The following GABRB1 variants were observed in gnomAD, a reference collection of about 807,000 sequenced individuals.
GABRB1 encodes gamma-aminobutyric acid type A receptor subunit beta1, also known as gamma-aminobutyric acid receptor subunit beta-1.
In GABRB1, 17 loss-of-function variants were observed where a neutral mutation model predicts 51.6. The ratio of observed to expected loss-of-function variants is 0.33; its 90% CI spans 0.23 to 0.49. The LOEUF (loss-of-function observed/expected upper bound fraction) is 0.49. Ranked by LOEUF, GABRB1 falls within the 20% of genes least tolerant of loss-of-function variation. GABRB1 has a pLI of 0.99. For missense variants in GABRB1, 410 were observed against 600.6 expected (o/e 0.68, Z 3.32); for synonymous variants, 247 against 218.9 (o/e 1.13, Z -1.14).
chr4:47,214,697 C>G (rs1031902074), intron 4 of GABRB1, among the ~76,000 whole-genome samples: 19 of 152,042 alleles, frequency 1.2e-4, no homozygotes, highest in African/African-American at 3.6e-4. Context: ...ATGCTTCTCC[C>G]CAAATTGATA....
chr4:47,107,162 G>A (rs941712004), intron 3 of GABRB1, among the ~76,000 whole-genome samples: 2 of 152,128 alleles, frequency 1.3e-5, no homozygotes, highest in African/African-American at 4.8e-5. Context: ...ACAAAATTTG[G>A]ATCAAGGACA....
chr4:47,209,978 T>C (rs1415710281), intron 4 of GABRB1, among the ~76,000 whole-genome samples: 1 of 152,116 alleles, frequency 6.6e-6, no homozygotes, highest in Non-Finnish European at 1.5e-5. Flanking sequence ...AGATAGGCAT[T>C]GTATTTCAAA....
chr4:47,314,645 C>T (rs1404462992), intron 4 of GABRB1, among the ~76,000 whole-genome samples: 1 of 151,838 alleles, frequency 6.6e-6, no homozygotes, highest in Non-Finnish European at 1.5e-5. Flanking sequence ...TTGCTGCACA[C>T]CTACAACCAT....
At chr4:47,010,620 T>C (rs1035526864) in intron 1 of GABRB1, among the ~76,000 whole-genome samples, 1 of 152,246 alleles carries the variant, frequency 6.6e-6, no homozygotes, top group African/African-American at 2.4e-5. Flanking sequence ...TTTATTATTG[T>C]GAAATTATCA....
At chr4:47,161,883 G>T (rs1389594420) in intron 4 of GABRB1, among the ~76,000 whole-genome samples, 1 of 152,050 alleles carries the variant, frequency 6.6e-6, no homozygotes, top group East Asian at 1.9e-4. Context: ...TGAACACTAA[G>T]CTGAAAATCC....
intron 5 of GABRB1, among the ~76,000 whole-genome samples, chr4:47,371,872 C>T (rs1052344923): frequency 2.6e-5 from 4 of 151,746 alleles, no homozygotes; most frequent in African/African-American, 7.3e-5. Context: ...CAAAAATTTT[C>T]TCCCATTCTG....
At chr4:47,120,812 G>C (rs981115283) in intron 3 of GABRB1, among the ~76,000 whole-genome samples, 1 of 152,142 alleles carries the variant, frequency 6.6e-6, no homozygotes, top group African/African-American at 2.4e-5. Flanking sequence ...ACTCTGCCCA[G>C]TGCCCTATTC....
intron 4 of GABRB1, among the ~76,000 whole-genome samples, chr4:47,193,001 C>T (rs1719505601): frequency 6.6e-6 from 1 of 152,322 alleles, no homozygotes; most frequent in South Asian, 2.1e-4. Flanking sequence ...AACTGAGGTA[C>T]TCAGGCTTCA....
chr4:47,031,358 C>A (rs534609813), upstream of GABRB1: 101 of 435,478 alleles, frequency 2.3e-4, no homozygotes, highest in African/African-American at 1.7e-3. Flanking sequence ...ATAGCAACCT[C>A]CAATGCATGA....
chr4:47,128,436 T>C (rs892780963), intron 3 of GABRB1, among the ~76,000 whole-genome samples: 3 of 151,876 alleles, frequency 2.0e-5, no homozygotes, highest in Non-Finnish European at 4.4e-5. Flanking sequence ...TCTATTAGAC[T>C]AATCAAATAA....
At chr4:47,027,415 C>T (rs1725134607), upstream of GABRB1, among the ~76,000 whole-genome samples, 1 of 151,464 alleles carries the variant, frequency 6.6e-6, no homozygotes, top group Non-Finnish European at 1.5e-5. Flanking sequence ...TTACATGATA[C>T]AAGTTTTATC....
chr4:47,038,057 C>T (rs1011499427), intron 3 of GABRB1, among the ~76,000 whole-genome samples: 1 of 152,112 alleles, frequency 6.6e-6, no homozygotes, highest in African/African-American at 2.4e-5. Flanking sequence ...TTTTCCAGTT[C>T]AAATATCCTA....
chr4:47,145,664 C>A (rs1297774545), intron 3 of GABRB1, among the ~76,000 whole-genome samples: 1 of 151,930 alleles, frequency 6.6e-6, no homozygotes, highest in African/African-American at 2.4e-5. Context: ...GGTAATCTTG[C>A]AAAATCAGGG....
chr4:47,088,699 T>A (rs1252509411), intron 3 of GABRB1, among the ~76,000 whole-genome samples: 1 of 152,352 alleles, frequency 6.6e-6, no homozygotes, highest in African/African-American at 2.4e-5. Context: ...TTGTATTCAC[T>A]ATTTAACAAA....
rs575221911 is a variant in GABRB1 at position 46,999,905 on chromosome 4, T to A, written c.-20+5979T>A. ...GGAGGCATGAAGAGATAACTGTGCATGCCCAAGGACTTTCCAGACCTCCTC... is the reference window on the plus strand; with the variant it reads ...GGAGGCATGAAGAGATAACTGTGCAAGCCCAAGGACTTTCCAGACCTCCTC... On this transcript the variant is annotated intron_variant, in intron 1 of 3. Coordinates refer to the GABRB1 transcript ENST00000513567. 5.9e-5 allele frequency among the ~76,000 whole-genome samples: 9 copies of A among 152,338 alleles called. No homozygotes were observed. In the East Asian group the frequency reaches 1.7e-3, roughly 29 times the overall value.
chr4:47,067,593 T>C (rs1418022402), intron 3 of GABRB1, among the ~76,000 whole-genome samples: 3 of 151,906 alleles, frequency 2.0e-5, no homozygotes, highest in Non-Finnish European at 4.4e-5. Flanking sequence ...GCTTCCTTCC[T>C]TTTTTTCTGA....
chr4:47,069,807 A>T (rs1276033893), intron 3 of GABRB1, among the ~76,000 whole-genome samples: 2 of 151,980 alleles, frequency 1.3e-5, no homozygotes, highest in Non-Finnish European at 1.5e-5. Flanking sequence ...ATTTCTTTAT[A>T]ACAAACATTT....
chr4:47,267,662 G>A (rs948339412), intron 4 of GABRB1, among the ~76,000 whole-genome samples: 1 of 152,118 alleles, frequency 6.6e-6, no homozygotes, highest in Non-Finnish European at 1.5e-5. Flanking sequence ...AGGCATGGTG[G>A]CAGGCGGCTG....
chr4:47,343,846 C>A (rs1193408166), intron 5 of GABRB1, among the ~76,000 whole-genome samples: 1 of 152,180 alleles, frequency 6.6e-6, no homozygotes, highest in Non-Finnish European at 1.5e-5. Flanking sequence ...AGAAGTATCA[C>A]TGGCTTCTAC....
Sources: gnomAD v4.1 joint callset for allele counts (sites outside exome capture counted in the v4.1 genomes callset) on GRCh38, gnomAD v4.1.1 for gene constraint, MANE v1.5 for transcripts, NCBI Gene and HGNC (gene_info 2026-07-23, HGNC 2026-07-21) for gene names.